Variants in PIK3R6 observed in about 807,000 individuals in gnomAD.
The protein encoded by PIK3R6 is phosphoinositide 3-kinase regulatory subunit 6.
PIK3R6 carries 91 observed loss-of-function variants against 84.9 expected under a neutral mutation model. The ratio of observed to expected loss-of-function variants is 1.07; its 90% CI spans 0.90 to 1.28. PIK3R6 has a LOEUF of 1.28. Among genes scored for constraint, PIK3R6 ranks in the 50% most tolerant of loss-of-function variants. The pLI is 0.00. For missense variants in PIK3R6, 996 were observed against 985.1 expected, an observed-to-expected ratio of 1.01 and a Z score of -0.15; for synonymous variants, 416 against 411.4, an observed-to-expected ratio of 1.01 and a Z score of -0.13.
rs753432049 is a variant in PIK3R6, at chr17:8,835,322, G to T, written c.596C>A (p.Ala199Glu). The change falls in exon 8 of 20, where the codon GCG (alanine) becomes GAG (glutamate). Residue 199 changes from alanine (A) to glutamate (E), a missense_variant. Physicochemically the swap from Ala to Glu is moderately radical, Grantham distance 107. Coordinates refer to ENST00000619866, the MANE Select transcript of PIK3R6 (RefSeq NM_001010855.4). ...TGCGTGACAGGCCTCCCCCAGAGCC[G>T]CCTGCAGGGCGTGGGAGACCACGTG... is the stretch of plus-strand genomic sequence containing the variant. ...MRHVVSHALQ[A>E]ALGEACHAGA... 2 of 1,603,388 alleles carry T rather than the reference G, an allele frequency of 1.2e-6. No individual in the cohort carries two copies. Among genetic ancestry groups the T allele is most frequent in the Non-Finnish European group, 1.7e-6 (2 of 1,173,350 alleles).
At chr17:8,834,864 GTCTC>G (rs1197642757) in intron 8 of PIK3R6, among the ~76,000 whole-genome samples, 2 of 151,660 alleles carry the variant, frequency 1.3e-5, no homozygotes, top group South Asian at 4.1e-4. Context: ...TGGAAATGGA[GTCTC>G]TCTCTGTCAC....
intron 1 of PIK3R6, among the ~76,000 whole-genome samples, chr17:8,859,703 A>G (rs1220678623): frequency 6.6e-6 from 1 of 152,166 alleles, no homozygotes; most frequent in Non-Finnish European, 1.5e-5. Context: ...CTGCCCTTGG[A>G]CAAAATCAGC....
At chr17:8,864,991 G>T (rs932234948) in intron 1 of PIK3R6, among the ~76,000 whole-genome samples, 3 of 152,094 alleles carry the variant, frequency 2.0e-5, no homozygotes, top group African/African-American at 7.2e-5. Flanking sequence ...CTCCCTTGGG[G>T]TACAACAAGC....
intron 6 of PIK3R6, 24 bp from the exon 7 acceptor site, chr17:8,836,640 A>G (rs2088476696): frequency 6.2e-7 from 1 of 1,613,940 alleles, no homozygotes; most frequent in East Asian, 2.2e-5. Context: ...CACTTTGGCC[A>G]AACAGCCCCC....
At position 8,811,642 on chromosome 17, in the gene PIK3R6, C is replaced by T. The variant is rs1004677336; in HGVS notation, c.1995+7441G>A. Among the ~76,000 whole-genome samples the T allele has an allele frequency of 3.4e-5, 5 of 146,922 alleles. 1 individual carries two copies. Among genetic ancestry groups the T allele is most frequent in the African/African-American group, 5.2e-5 (2 of 38,592 alleles). The stretch of plus-strand genomic sequence containing the variant: ...CATATCTCTCAAGTTCAAAGTTCCA[C>T]AAAAATGCCACCAGTTTTGCTAAAA... On this transcript the variant is annotated intron_variant, in intron 18 of 19. Coordinates refer to ENST00000619866, the MANE Select transcript of PIK3R6 (RefSeq NM_001010855.4).
chr17:8,812,371 T>C (rs1191494361), intron 18 of PIK3R6, among the ~76,000 whole-genome samples: 1 of 152,112 alleles, frequency 6.6e-6, no homozygotes, highest in African/African-American at 2.4e-5. Context: ...ACAAAGAAAC[T>C]CTGGACTTAA....
chr17:8,855,070 G>A (rs558287170), intron 1 of PIK3R6, among the ~76,000 whole-genome samples: 37 of 152,200 alleles, frequency 2.4e-4, no homozygotes, highest in African/African-American at 8.9e-4. Flanking sequence ...GCTCATGCCT[G>A]TAATCCCAGT....
intron 2 of PIK3R6, among the ~76,000 whole-genome samples, chr17:8,848,160 T>C (rs182129233): frequency 1.8e-4 from 27 of 152,340 alleles, no homozygotes; most frequent in African/African-American, 6.3e-4. Context: ...TTGGCAGGGC[T>C]ACCCTTCCCC....
At chr17:8,845,715 G>A (rs1353673170) in intron 2 of PIK3R6, among the ~76,000 whole-genome samples, 1 of 151,978 alleles carries the variant, frequency 6.6e-6, no homozygotes, top group African/African-American at 2.4e-5. Flanking sequence ...GGGAGGCAGA[G>A]GGGGGCAGAT....
chr17:8,825,601 G>A (rs771566189), intron 13 of PIK3R6, among the ~76,000 whole-genome samples: 52 of 152,214 alleles, frequency 3.4e-4, no homozygotes, highest in Admixed American at 9.2e-4. Context: ...AAATTTCTGC[G>A]GCAAGATGGT....
chr17:8,852,720 C>T (rs2151301639), intron 1 of PIK3R6, among the ~76,000 whole-genome samples: 1 of 136,736 alleles, frequency 7.3e-6, no homozygotes, highest in African/African-American at 2.9e-5. Flanking sequence ...GCCTGGGTGA[C>T]AGAGGGAGAC....
Position 8,863,904 on chromosome 17 carries a change from G to A in PIK3R6, c.-92+3625C>T, listed in dbSNP as rs79867619. On this transcript the variant is annotated intron_variant, in intron 1 of 19. Transcript: ENST00000619866. ...TTGAGTGGGAACCTAAAAAAGGCCC[G>A]ACAGCAAGCCATGCGGTATCTGCAG... Among the ~76,000 whole-genome samples, 593 of 152,306 alleles carry A rather than the reference G, an allele frequency of 3.9e-3. 4 individuals carry two copies. Among genetic ancestry groups the A allele is most frequent in the East Asian group, 0.026 (134 of 5,176 alleles).
In PIK3R6 at chr17:8,823,391, A is replaced by G; in HGVS notation, c.1622T>C (p.Val541Ala). ...TQPIYFQIYT[V>A]KIFFSDLSQD... Reference sequence around the variant, plus strand: ...AGCCTCCAGTGGGATGCTTACCTTGACTGTGTAGATCTGGAAATAGATGGG... The same window carrying G: ...AGCCTCCAGTGGGATGCTTACCTTGGCTGTGTAGATCTGGAAATAGATGGG... Residue 541 changes from valine to alanine, a missense_variant, in exon 14 of 20, where the codon GTC becomes GCC. Coordinates refer to ENST00000619866, the MANE Select transcript of PIK3R6 (RefSeq NM_001010855.4). The G allele has an allele frequency of 2.5e-6, 4 of 1,591,082 alleles. No individual in the cohort carries two copies. The highest frequency in any genetic ancestry group is 3.4e-6 in the Non-Finnish European group (4 of 1,159,768).
chr17:8,807,982 C>T (rs2087251558), intron 18 of PIK3R6, among the ~76,000 whole-genome samples: 1 of 152,086 alleles, frequency 6.6e-6, no homozygotes, highest in Non-Finnish European at 1.5e-5. Context: ...CAAGAAACCC[C>T]TTTAGTCCCA....
chr17:8,827,968 G>T (rs2088002961), intron 12 of PIK3R6, 144 bp downstream of exon 12: 7 of 805,712 alleles, frequency 8.7e-6, no homozygotes, highest in Admixed American at 5.3e-5. Flanking sequence ...ATAGAAGACC[G>T]CTGACCTCTC....
At chr17:8,822,077 A>G in intron 16 of PIK3R6, 141 bp from the exon 17 acceptor site, 1 of 606,412 alleles carries the variant, frequency 1.6e-6, no homozygotes, top group Non-Finnish European at 2.7e-6. Flanking sequence ...TTTTTGAGCC[A>G]GGGGGTTTCA....
chr17:8,818,858 G>T (rs1024672092), intron 18 of PIK3R6, among the ~76,000 whole-genome samples: 2 of 152,262 alleles, frequency 1.3e-5, no homozygotes, highest in South Asian at 2.1e-4. Flanking sequence ...GGAGGGCAGG[G>T]CTTTGACTCT....
chr17:8,825,089 G>A lies in PIK3R6; in HGVS notation c.1516-1592C>T, dbSNP rs949177064. Reference sequence around the variant, plus strand: ...ATATAATGGCATAAAGATACCATTCGCAATAGTAAGAAACACTATCACACA... The same window carrying A: ...ATATAATGGCATAAAGATACCATTCACAATAGTAAGAAACACTATCACACA... On this transcript the variant is annotated intron_variant, in intron 13 of 19. Transcript: ENST00000619866. 3.9e-5 allele frequency among the ~76,000 whole-genome samples: 6 copies of A among 152,074 alleles called. No individual in the cohort carries two copies. In the East Asian group the frequency reaches 5.8e-4, roughly 15 times the overall value.
At chr17:8,838,758 G>T in intron 3 of PIK3R6, 103 bp from the exon 4 acceptor site, 1 of 1,133,090 alleles carries the variant, frequency 8.8e-7, no homozygotes, top group Non-Finnish European at 1.3e-6. Context: ...CTGCAGCTCT[G>T]ACCAGCCACG....
Sources: gnomAD v4.1 joint callset for allele counts (sites outside exome capture counted in the v4.1 genomes callset) on GRCh38, gnomAD v4.1.1 for gene constraint, MANE v1.5 for transcripts, NCBI Gene and HGNC (gene_info 2026-07-23, HGNC 2026-07-21) for gene names.